The following PPFIA2 variants were observed in gnomAD, a reference collection of about 807,000 sequenced individuals.
The protein encoded by PPFIA2 is PPFI scaffold protein A2.
A neutral mutation model predicts 175.5 loss-of-function variants in PPFIA2; 46 were observed. The observed-to-expected ratio is 0.26, with a 90% CI of 0.21 to 0.34. The LOEUF is 0.34. PPFIA2 is among the 10% of genes least tolerant of loss of function. The pLI is 1.00. For synonymous variants in PPFIA2, 568 were observed against 511.4 expected, an observed-to-expected ratio of 1.11 and a Z score of -1.49; for missense variants, 1,179 against 1,506.1, an observed-to-expected ratio of 0.78 and a Z score of 3.60.
chr12:81,559,822 GT>G (rs1157077049), intron 4 of PPFIA2, among the ~76,000 whole-genome samples: 3 of 146,692 alleles, frequency 2.0e-5, no homozygotes, highest in Admixed American at 2.0e-4. Context: ...TTTTGTTGTT[GT>G]TTTTTTGCAA....
At chr12:81,411,363 C>T (rs546363236) in intron 7 of PPFIA2, among the ~76,000 whole-genome samples, 68 of 152,144 alleles carry the variant, frequency 4.5e-4, no homozygotes, top group Non-Finnish European at 8.5e-4. Context: ...TGTCTTGATC[C>T]TTATTTGTGT....
intron 27 of PPFIA2, 98 bp from the exon 28 acceptor site, chr12:81,277,512 T>A (rs1364915400): frequency 7.7e-6 from 9 of 1,174,412 alleles, no homozygotes; most frequent in Non-Finnish European, 9.8e-6. Context: ...GCACTGCTTC[T>A]TAGGGCAACA....
At chr12:81,611,099 C>T (rs1203843965) in intron 4 of PPFIA2, among the ~76,000 whole-genome samples, 2 of 152,018 alleles carry the variant, frequency 1.3e-5, no homozygotes, top group South Asian at 2.1e-4. Flanking sequence ...TCCTAGCATT[C>T]GCGGGGAGGA....
At chr12:81,329,437 G>T (rs887216235) in intron 21 of PPFIA2, among the ~76,000 whole-genome samples, 4 of 152,074 alleles carry the variant, frequency 2.6e-5, no homozygotes, top group African/African-American at 9.7e-5. Context: ...ATTATTGAGG[G>T]CAAGACCACT....
chr12:81,449,815 G>T (rs2052124436), intron 5 of PPFIA2, among the ~76,000 whole-genome samples: 1 of 138,780 alleles, frequency 7.2e-6, no homozygotes. Context: ...ACAGGCCCTG[G>T]TGTGTGATGT....
At chr12:81,574,509 C>T (rs920036459) in intron 4 of PPFIA2, among the ~76,000 whole-genome samples, 2 of 151,634 alleles carry the variant, frequency 1.3e-5, no homozygotes, top group African/African-American at 4.8e-5. Context: ...CCACTATGTT[C>T]ACCATCCCTG....
chr12:81,593,156 A>G (rs1013961801), intron 4 of PPFIA2, among the ~76,000 whole-genome samples: 45 of 152,170 alleles, frequency 3.0e-4, no homozygotes, highest in African/African-American at 1.1e-3. Flanking sequence ...CAAGTATGAG[A>G]CTATATACAA....
chr12:81,321,926 A>C (rs536447166), intron 22 of PPFIA2, among the ~76,000 whole-genome samples: 1 of 152,276 alleles, frequency 6.6e-6, no homozygotes, highest in East Asian at 1.9e-4. Flanking sequence ...CCCCGAATTC[A>C]TAGGCTCAAG....
intron 4 of PPFIA2, among the ~76,000 whole-genome samples, chr12:81,586,173 A>C (rs945750394): frequency 2.0e-5 from 3 of 152,020 alleles, no homozygotes; most frequent in Non-Finnish European, 4.4e-5. Flanking sequence ...ACCAATAAAT[A>C]CAATGTTTTC....
Position 81,325,888 on chromosome 12 carries a change from T to G in PPFIA2, c.2549-18A>C. 6.4e-7 allele frequency: 1 copy of G among 1,553,162 alleles called. No individual in the cohort carries two copies. Among genetic ancestry groups the G allele is most frequent in the Non-Finnish European group, 8.9e-7 (1 of 1,125,584 alleles). On this transcript the variant is annotated intron_variant, in intron 21 of 32. Coordinates refer to ENST00000549396, the MANE Select transcript of PPFIA2 (RefSeq NM_003625.5). ...AAAGCCTCCTGTGAAGAGAAGTAAC[T>G]AAGTATTCAGATTATGTTGCATAGG...
chr12:81,375,621 CT>C, intron 10 of PPFIA2, 174 bp downstream of exon 10: 1 of 672,150 alleles, frequency 1.5e-6, no homozygotes, highest in Non-Finnish European at 2.5e-6. Context: ...AATAATTTAT[CT>C]TTCTGGAAAG....
At chr12:81,717,869 A>G (rs60831070) in intron 3 of PPFIA2, among the ~76,000 whole-genome samples, 2 of 151,736 alleles carry the variant, frequency 1.3e-5, no homozygotes, top group East Asian at 3.9e-4. Context: ...AAAACATAAA[A>G]AAAAACCTAA....
rs114828517 is a variant in PPFIA2, at chr12:81,572,866, A to C, written c.303+103925T>G. ...GTGTTCAGAAAATACGCATACAAAG[A>C]CTAATGGAAGTATGTCAAAGGACAT... On this transcript the variant is annotated intron_variant, in intron 4 of 32. Transcript: ENST00000549396. Among the ~76,000 whole-genome samples, 154 of 152,096 alleles carry C rather than the reference A, an allele frequency of 1.0e-3. 2 individuals are homozygous for C. The highest frequency in any genetic ancestry group is 3.6e-3 in the African/African-American group (149 of 41,528).
intron 4 of PPFIA2, among the ~76,000 whole-genome samples, chr12:81,602,326 T>C (rs2153457106): frequency 6.6e-6 from 1 of 151,960 alleles, no homozygotes; most frequent in African/African-American, 2.4e-5. Flanking sequence ...TTTTTTAAAC[T>C]AGCTTATGTT....
intron 22 of PPFIA2, among the ~76,000 whole-genome samples, chr12:81,303,900 T>C (rs2048486544): frequency 1.3e-5 from 2 of 152,174 alleles, no homozygotes; most frequent in African/African-American, 4.8e-5. Flanking sequence ...CGGGTGCAAC[T>C]CTGGTTGAAT....
intron 22 of PPFIA2, among the ~76,000 whole-genome samples, chr12:81,311,852 C>T (rs2050981430): frequency 6.6e-6 from 1 of 151,848 alleles, no homozygotes; most frequent in African/African-American, 2.4e-5. Flanking sequence ...GGCTGCTTGC[C>T]ACATTGACCC....
chr12:81,488,559 G>A (rs1341237492), intron 4 of PPFIA2, among the ~76,000 whole-genome samples: 1 of 151,642 alleles, frequency 6.6e-6, no homozygotes. Context: ...AAAAGCCCAC[G>A]GGCCTTACAG....
At chr12:81,430,007 C>T (rs2047810277) in intron 7 of PPFIA2, 1 of 152,092 alleles carries the variant, frequency 6.6e-6, no homozygotes, top group Non-Finnish European at 1.5e-5. Context: ...TAGCAGATAA[C>T]CCATCTCCTT....
chr12:81,430,587 CTCTAATTTGGT>C (rs1379866140), intron 7 of PPFIA2: 1 of 151,550 alleles, frequency 6.6e-6, no homozygotes, highest in African/African-American at 2.4e-5. Context: ...CTACTTCTAT[CTCTAATTTGGT>C]TCAGTGACTC....
Sources: gnomAD v4.1 joint callset for allele counts (sites outside exome capture counted in the v4.1 genomes callset) on GRCh38, gnomAD v4.1.1 for gene constraint, MANE v1.5 for transcripts, NCBI Gene and HGNC (gene_info 2026-07-23, HGNC 2026-07-21) for gene names.